MICU2: variants seen among roughly 807,000 people sequenced by gnomAD.
The protein encoded by MICU2 is calcium uptake protein 2, mitochondrial.
MICU2 carries 64 observed loss-of-function variants against 60.4 expected under a neutral mutation model. The observed-to-expected ratio is 1.06, with a 90% CI of 0.87 to 1.31. The LOEUF is 1.31. MICU2 is among the 50% of genes most tolerant of loss of function. The pLI is 0.00. For synonymous variants in MICU2, 201 were observed against 175.0 expected (o/e 1.15, Z -1.17); for missense variants, 569 against 531.0 (o/e 1.07, Z -0.70).
rs902626219 is a variant in MICU2 at position 21,526,312 on chromosome 13, T to C, written c.467-3662A>G. ...TTTTCTCCCTTGTCTTTTTTGCCCC[T>C]ACCTTTCAATTTAATTGTTGAAAAA... On this transcript the variant is annotated intron_variant, in intron 4 of 11. Coordinates refer to ENST00000382374, the MANE Select transcript of MICU2 (RefSeq NM_152726.3). Among the ~76,000 whole-genome samples the C allele has an allele frequency of 1.7e-3, 256 of 152,040 alleles. 3 individuals carry two copies. Among genetic ancestry groups the C allele is most frequent in the African/African-American group, 6.0e-3 (248 of 41,470 alleles).
At chr13:21,523,421 T>C (rs1045996551) in intron 4 of MICU2, among the ~76,000 whole-genome samples, 6 of 105,910 alleles carry the variant, frequency 5.7e-5, no homozygotes, top group African/African-American at 1.6e-4. Flanking sequence ...GCATAACATC[T>C]CAAGTGAAGC....
At chr13:21,589,950 G>A (rs538815757) in intron 1 of MICU2, among the ~76,000 whole-genome samples, 14 of 152,252 alleles carry the variant, frequency 9.2e-5, no homozygotes, top group East Asian at 1.9e-4. Flanking sequence ...CTGTAAGGGC[G>A]CACCCTTCTA....
chr13:21,508,213 C>T (rs773172872), intron 8 of MICU2, among the ~76,000 whole-genome samples: 2 of 151,692 alleles, frequency 1.3e-5, no homozygotes, highest in Non-Finnish European at 2.9e-5. Flanking sequence ...ACAAGATCTG[C>T]CTCCCGGGTT....
chr13:21,599,026 T>C (rs1056010109), intron 1 of MICU2, among the ~76,000 whole-genome samples: 5 of 152,126 alleles, frequency 3.3e-5, no homozygotes, highest in African/African-American at 1.2e-4. Flanking sequence ...TAGATTCTGA[T>C]AGGAGCGCAA....
At chr13:21,559,529 C>T (rs1313067622) in intron 2 of MICU2, among the ~76,000 whole-genome samples, 2 of 143,698 alleles carry the variant, frequency 1.4e-5, no homozygotes, top group East Asian at 2.0e-4. Context: ...TCTTTCTTTT[C>T]TTTTTTTTTT....
chr13:21,585,708 A>G (rs1888440964), intron 1 of MICU2, among the ~76,000 whole-genome samples: 1 of 152,194 alleles, frequency 6.6e-6, no homozygotes, highest in Non-Finnish European at 1.5e-5. Context: ...ATAGACAAAG[A>G]TTCTACAACT....
chr13:21,579,517 T>C (rs1888301782), intron 1 of MICU2, among the ~76,000 whole-genome samples: 1 of 152,150 alleles, frequency 6.6e-6, no homozygotes, highest in Non-Finnish European at 1.5e-5. Flanking sequence ...ATTTTTTGTA[T>C]TTTTAGTAGA....
chr13:21,565,649 C>A (rs1234958114), intron 2 of MICU2, among the ~76,000 whole-genome samples: 1 of 152,122 alleles, frequency 6.6e-6, no homozygotes, highest in African/African-American at 2.4e-5. Flanking sequence ...CAGAGCGAGA[C>A]TCCGTCTCAA....
At chr13:21,500,203 A>G (rs1468163917) in intron 9 of MICU2, among the ~76,000 whole-genome samples, 1 of 152,138 alleles carries the variant, frequency 6.6e-6, no homozygotes, top group African/African-American at 2.4e-5. Flanking sequence ...TATGTTACTC[A>G]TGTTGTTGCT....
intron 1 of MICU2, among the ~76,000 whole-genome samples, chr13:21,599,464 A>G (rs546290149): frequency 2.0e-5 from 3 of 152,360 alleles, no homozygotes; most frequent in South Asian, 4.1e-4. Context: ...AAAAGCTTAG[A>G]AAAGTTTTCA....
intron 2 of MICU2, among the ~76,000 whole-genome samples, chr13:21,561,713 T>C (rs1430610263): frequency 1.3e-5 from 2 of 150,590 alleles, no homozygotes; most frequent in East Asian, 1.9e-4. Flanking sequence ...TTTAGTCTCT[T>C]TTTTTTTATT....
At chr13:21,560,332 T>C (rs1234620331) in intron 2 of MICU2, among the ~76,000 whole-genome samples, 1 of 102,278 alleles carries the variant, frequency 9.8e-6, no homozygotes, top group Non-Finnish European at 2.3e-5. Context: ...AGTACCATTA[T>C]CCAACTGCAC....
At chr13:21,557,724 T>C (rs936348552) in intron 2 of MICU2, among the ~76,000 whole-genome samples, 1 of 152,160 alleles carries the variant, frequency 6.6e-6, no homozygotes, top group African/African-American at 2.4e-5. Flanking sequence ...TTATCCTTCT[T>C]ATCCATGATG....
chr13:21,532,769 G>A (rs922786509), intron 4 of MICU2, among the ~76,000 whole-genome samples: 2 of 152,168 alleles, frequency 1.3e-5, no homozygotes, highest in Non-Finnish European at 1.5e-5. Context: ...GTAACAAGGA[G>A]GTCACTGGTG....
intron 1 of MICU2, among the ~76,000 whole-genome samples, chr13:21,577,472 C>G (rs923134790): frequency 6.6e-6 from 1 of 151,812 alleles, no homozygotes; most frequent in Non-Finnish European, 1.5e-5. Context: ...CTGGGCAACA[C>G]AGCAAGACCC....
intron 1 of MICU2, among the ~76,000 whole-genome samples, chr13:21,587,564 T>C (rs1315573964): frequency 6.6e-6 from 1 of 152,220 alleles, no homozygotes; most frequent in Non-Finnish European, 1.5e-5. Flanking sequence ...TACTCAATGA[T>C]AGGTGAAAAT....
At chr13:21,577,986 AAAT>A (rs150371490) in intron 1 of MICU2, among the ~76,000 whole-genome samples, 45,621 of 149,742 alleles carry the variant, frequency 0.3, 8,164 homozygotes, top group South Asian at 0.4. Flanking sequence ...AAAAAATTTA[AAAT>A]AATAATAATA....
intron 8 of MICU2, among the ~76,000 whole-genome samples, chr13:21,509,730 T>C (rs868287238): frequency 6.6e-6 from 1 of 152,372 alleles, no homozygotes; most frequent in Middle Eastern, 3.4e-3. Flanking sequence ...AGGCGCATGG[T>C]TCTTTGTTGC....
rs1261208445 is a variant in MICU2 at position 21,493,255 on chromosome 13, A to G, written c.1299T>C (p.Leu433=). ...CATACTATTATATCTTTTATTAAAA[A>G]AGACCTTTTCCAGCTTGTTTCCAGA... ...KEVWKQAGKG[L]F is the part of the protein sequence containing the mutation. Residue 433 remains leucine, a synonymous_variant, in exon 12 of 12, where the codon CTT becomes CTC. Transcript: ENST00000382374. 4 of 1,597,374 alleles carry G rather than the reference A, an allele frequency of 2.5e-6. 1 individual carries two copies. In the Admixed American group the frequency reaches 7.0e-5, roughly 28 times the overall value.
Sources: gnomAD v4.1 joint callset for allele counts (sites outside exome capture counted in the v4.1 genomes callset) on GRCh38, gnomAD v4.1.1 for gene constraint, MANE v1.5 for transcripts, NCBI Gene and HGNC (gene_info 2026-07-23, HGNC 2026-07-21) for gene names.